ANOS1: variants seen among roughly 807,000 people sequenced by gnomAD.
ANOS1 encodes the protein anosmin-1.
ANOS1 carries 6 observed loss-of-function variants against 59.0 expected under a neutral mutation model. The ratio of observed to expected loss-of-function variants is 0.10; its 90% CI spans 0.06 to 0.20. The LOEUF is 0.20. ANOS1 is among the 10% of genes least tolerant of loss of function. The pLI is 1.00. For synonymous variants in ANOS1, 217 were observed against 223.4 expected, an observed-to-expected ratio of 0.97 and a Z score of 0.25; for missense variants, 433 against 542.3, an observed-to-expected ratio of 0.80 and a Z score of 2.00.
At chrX:8,577,312 C>A (rs997560143) in intron 6 of ANOS1, among the ~76,000 whole-genome samples, 10 of 111,658 alleles carry the variant, frequency 9.0e-5, no homozygotes, top group Non-Finnish European at 1.5e-4. Flanking sequence ...GATTTACTAC[C>A]TCTTCAAGTG....
chrX:8,534,466 G>A lies in ANOS1; in HGVS notation c.1843-6C>T. On this transcript the variant is annotated splice_region_variant and splice_polypyrimidine_tract_variant and intron_variant, in intron 12 of 13. Transcript: ENST00000262648. ...ACTGTTAGGACATAATGATCCTAAG[G>A]GGACAACATAAAAGAGCATGCTCAC... is the stretch of plus-strand genomic sequence containing the variant. The A allele has an allele frequency of 1.7e-6, 2 of 1,208,369 alleles. No homozygotes were observed. The highest frequency in any genetic ancestry group is 1.1e-6 in the Non-Finnish European group (1 of 892,875).
At chrX:8,584,826 G>A (rs189778405) in intron 6 of ANOS1, among the ~76,000 whole-genome samples, 77 of 111,681 alleles carry the variant, frequency 6.9e-4, no homozygotes, top group African/African-American at 2.3e-3. Flanking sequence ...ACTCAGGAGG[G>A]GTTTAAATTC....
At chrX:8,704,663 A>G in intron 1 of ANOS1, among the ~76,000 whole-genome samples, 2 of 112,628 alleles carry the variant, frequency 1.8e-5, no homozygotes, top group East Asian at 2.8e-4. Context: ...AACAATTATT[A>G]TGATTAGAAT....
chrX:8,543,294 G>A (rs1400023661), intron 9 of ANOS1, among the ~76,000 whole-genome samples: 1 of 110,470 alleles, frequency 9.1e-6, no homozygotes. Flanking sequence ...AAAGCAATCT[G>A]AGAAAGTAAA....
intron 1 of ANOS1, among the ~76,000 whole-genome samples, chrX:8,729,888 T>C (rs916431843): frequency 6.3e-5 from 7 of 110,701 alleles, no homozygotes; most frequent in Non-Finnish European, 1.1e-4. Context: ...CCAGAATGGC[T>C]TTGCAATTGA....
At chrX:8,685,597 GAAGAAAGA>G (rs557905634) in intron 2 of ANOS1, among the ~76,000 whole-genome samples, 3,240 of 57,093 alleles carry the variant, frequency 0.057, 112 homozygotes, top group South Asian at 0.11. Context: ...AGAAAGAAAG[GAAGAAAGA>G]AAGAAAGAAA....
chrX:8,623,470 A>G (rs1192204616), intron 3 of ANOS1, 138 bp downstream of exon 3: 2 of 517,759 alleles, frequency 3.9e-6, no homozygotes, highest in African/African-American at 2.3e-5. Context: ...ACATGAATTT[A>G]CGTATATCCA....
intron 1 of ANOS1, among the ~76,000 whole-genome samples, chrX:8,703,346 C>T (rs1245192450): frequency 8.9e-6 from 1 of 112,037 alleles, no homozygotes; most frequent in Non-Finnish European, 1.9e-5. Flanking sequence ...AAACTGTTGT[C>T]AACAGGTTGA....
At chrX:8,683,849 C>T (rs1298947742) in intron 2 of ANOS1, among the ~76,000 whole-genome samples, 1 of 111,939 alleles carries the variant, frequency 8.9e-6, no homozygotes, top group Non-Finnish European at 1.9e-5. Flanking sequence ...AGGAGGTAAC[C>T]TCTCAGCAGA....
chrX:8,598,997 C>T (rs1930793255), intron 3 of ANOS1, among the ~76,000 whole-genome samples: 1 of 111,267 alleles, frequency 9.0e-6, no homozygotes, highest in South Asian at 3.8e-4. Flanking sequence ...ATGGGTGGCA[C>T]CACAGCTGTA....
At chrX:8,728,527 G>C (rs1391961102) in intron 1 of ANOS1, among the ~76,000 whole-genome samples, 1 of 111,164 alleles carries the variant, frequency 9.0e-6, no homozygotes, top group African/African-American at 3.3e-5. Flanking sequence ...GTGTAGAGCA[G>C]GTCTGCACAG....
chrX:8,568,014 A>G (rs2146805068), intron 8 of ANOS1, among the ~76,000 whole-genome samples: 1 of 112,398 alleles, frequency 8.9e-6, no homozygotes, highest in African/African-American at 3.2e-5. Context: ...ACAACACCAA[A>G]ATTGCACCTA....
chrX:8,636,236 T>C (rs1294665974), intron 2 of ANOS1, among the ~76,000 whole-genome samples: 3 of 111,729 alleles, frequency 2.7e-5, no homozygotes, highest in South Asian at 7.4e-4. Flanking sequence ...TGATTGGTAG[T>C]CCTGGAGAAC....
intron 2 of ANOS1, among the ~76,000 whole-genome samples, chrX:8,655,224 C>T (rs767468156): frequency 3.6e-5 from 4 of 111,333 alleles, no homozygotes; most frequent in African/African-American, 1.3e-4. Context: ...TGAAACTAGA[C>T]GGTCCCATCT....
chrX:8,663,330 T>C (rs1209190878), intron 2 of ANOS1, among the ~76,000 whole-genome samples: 1 of 112,095 alleles, frequency 8.9e-6, no homozygotes, highest in African/African-American at 3.2e-5. Context: ...GGATTTTTTT[T>C]TCATCATTTA....
At chrX:8,680,304 T>A (rs760198024) in intron 2 of ANOS1, among the ~76,000 whole-genome samples, 1 of 110,058 alleles carries the variant, frequency 9.1e-6, no homozygotes, top group South Asian at 4.0e-4. Flanking sequence ...CAGTGGTAAA[T>A]TTTATGTTTT....
At chrX:8,664,634 C>T (rs778646328) in intron 2 of ANOS1, among the ~76,000 whole-genome samples, 90 of 111,344 alleles carry the variant, frequency 8.1e-4, no homozygotes, top group Non-Finnish European at 1.4e-3. Context: ...TGAGCCTTTT[C>T]CATAAACAAA....
intron 3 of ANOS1, among the ~76,000 whole-genome samples, chrX:8,607,237 T>C (rs1267863986): frequency 8.9e-6 from 1 of 112,573 alleles, no homozygotes; most frequent in Non-Finnish European, 1.9e-5. Context: ...CGTTCAAATG[T>C]TACTAATTTA....
intron 2 of ANOS1, among the ~76,000 whole-genome samples, chrX:8,664,316 G>A (rs113374475): frequency 4.5e-5 from 5 of 110,752 alleles, no homozygotes; most frequent in Admixed American, 9.6e-5. Flanking sequence ...TCAGCCTCCC[G>A]AGTAGCTGGG....
Sources: gnomAD v4.1 joint callset for allele counts (sites outside exome capture counted in the v4.1 genomes callset) on GRCh38, gnomAD v4.1.1 for gene constraint, MANE v1.5 for transcripts, NCBI Gene and HGNC (gene_info 2026-07-23, HGNC 2026-07-21) for gene names.